CDC42BPB: variants seen among roughly 807,000 people sequenced by gnomAD.
CDC42BPB encodes CDC42 binding protein kinase beta, also known as serine/threonine-protein kinase MRCK beta.
A neutral mutation model predicts 214.9 loss-of-function variants in CDC42BPB; 37 were observed. That is an observed-to-expected ratio of 0.17 (90% CI 0.13 to 0.23). The LOEUF is 0.23. Among genes scored for constraint, CDC42BPB ranks in the 10% least tolerant of loss-of-function variants. CDC42BPB has a pLI of 1.00. For synonymous variants in CDC42BPB, 931 were observed against 884.0 expected, an observed-to-expected ratio of 1.05 and a Z score of -0.94; for missense variants, 1,694 against 2,227.0, an observed-to-expected ratio of 0.76 and a Z score of 4.82.
rs112933885 is a variant in CDC42BPB, at chr14:103,040,603, C to T, written c.175+16396G>A. 4.9e-3 allele frequency among the ~76,000 whole-genome samples: 750 copies of T among 151,938 alleles called. 11 individuals carry two copies. The highest frequency in any genetic ancestry group is 0.017 in the African/African-American group (699 of 41,480). On this transcript the variant is annotated intron_variant, in intron 1 of 36. Transcript: ENST00000361246. ...CCTCCCGAGTAGGTGGGATTACAGG[C>T]GGCTGCCAACACACCCAGCTAATTT...
chr14:102,963,132 T>C lies in CDC42BPB; in HGVS notation c.2750A>G (p.Lys917Arg). 1 of 1,598,932 alleles carries C rather than the reference T, an allele frequency of 6.3e-7. No homozygotes were observed. Among genetic ancestry groups the C allele is most frequent in the African/African-American group, 1.3e-5 (1 of 74,630 alleles). ...LESKLKDSEAKNRELLEEMEI... is the reference protein window; with the variant it reads ...LESKLKDSEARNRELLEEMEI... The stretch of plus-strand genomic sequence containing the variant: ...CATTTCTTCTAATAATTCTCTGTTT[T>C]TGGCTTCGGAATCCTTTAGTTTGCT... The change falls in exon 20 of 37, where the codon AAA (lysine) becomes AGA (arginine). Residue 917 changes from lysine (K) to arginine (R), a missense_variant. Transcript: ENST00000361246.
intron 1 of CDC42BPB, among the ~76,000 whole-genome samples, chr14:103,027,223 A>G (rs1225184254): frequency 6.6e-6 from 1 of 152,192 alleles, no homozygotes; most frequent in African/African-American, 2.4e-5. Flanking sequence ...ATGAACTCTT[A>G]CACACTGCTA....
At chr14:102,945,145 G>A (rs1371920557) in intron 29 of CDC42BPB, 15 of 429,268 alleles carry the variant, frequency 3.5e-5, no homozygotes, top group Admixed American at 1.3e-4. Flanking sequence ...CAGAGATGCT[G>A]GGTCTGTCGG....
At chr14:103,027,504 G>A (rs1167887651) in intron 1 of CDC42BPB, among the ~76,000 whole-genome samples, 1 of 152,194 alleles carries the variant, frequency 6.6e-6, no homozygotes, top group Non-Finnish European at 1.5e-5. Flanking sequence ...TAAACAGAAT[G>A]TGGTCTACCT....
rs140640502 is a variant in CDC42BPB, at chr14:102,933,747, G to A, written c.5101C>T (p.Leu1701Phe). The A allele has an allele frequency of 1.4e-5, 21 of 1,494,710 alleles. No individual in the cohort carries two copies. The highest frequency in any genetic ancestry group is 2.7e-5 in the East Asian group (1 of 37,056). The allele number at this position is 1,494,710 out of a possible 1,614,324, so 92.6% of individuals were successfully genotyped here. ...CAGGCCGGCTGCTCCAGGCCTTCGA[G>A]GGGGAGCTGGCTCCTGTGGGGGGAG... ...PNSPHRSQLP[L>F]EGLEQPACDT Residue 1701 changes from leucine to phenylalanine, a missense_variant, in exon 37 of 37, where the codon CTC (leucine) becomes TTC (phenylalanine). Leu to Phe is a conservative substitution (Grantham distance 22, BLOSUM62 0). This residue lies in a region of CDC42BPB where 146 missense variants were observed against 134.1 expected (regional missense o/e 1.09). Coordinates refer to ENST00000361246, the MANE Select transcript of CDC42BPB (RefSeq NM_006035.4).
chr14:102,984,035 A>C, intron 6 of CDC42BPB: 1 of 225,650 alleles, frequency 4.4e-6, no homozygotes, highest in Non-Finnish European at 7.4e-6. Flanking sequence ...CTAACGAAAC[A>C]AAACGGAATT....
Position 102,939,836 on chromosome 14 carries a change from T to C in CDC42BPB, c.4703A>G (p.Gln1568Arg). Reference protein sequence around the residue: ...FKVPEEERLQQRREMLRDPEL... With the variant: ...FKVPEEERLQRRREMLRDPEL... ...CGTGAGGCCCCGCTCCTACCGCCTC[T>C]GCTGCAGTCTCTCTTCCTCTGGGAC... The change falls in exon 33 of 37, where the codon CAG becomes CGG. Residue 1568 changes from glutamine (Q) to arginine (R), a missense_variant. Physicochemically the swap from Gln to Arg is conservative, Grantham distance 43. This residue lies in a region of CDC42BPB where 567 missense variants were observed against 790.3 expected (regional missense o/e 0.72). Transcript: ENST00000361246. 1.2e-6 allele frequency: 2 copies of C among 1,614,060 alleles called. No homozygotes were observed. Among genetic ancestry groups the C allele is most frequent in the Non-Finnish European group, 1.7e-6 (2 of 1,180,028 alleles).
intron 8 of CDC42BPB, among the ~76,000 whole-genome samples, chr14:102,980,338 C>A (rs967108331): frequency 6.6e-6 from 1 of 152,108 alleles, no homozygotes; most frequent in Non-Finnish European, 1.5e-5. Context: ...ACTATAAATA[C>A]AAAAATTAGC....
At chr14:102,984,426 G>A (rs1894142864) in intron 6 of CDC42BPB, among the ~76,000 whole-genome samples, 1 of 152,162 alleles carries the variant, frequency 6.6e-6, no homozygotes, top group Non-Finnish European at 1.5e-5. Flanking sequence ...TTCCTCATGG[G>A]AACATGCAGA....
intron 2 of CDC42BPB, among the ~76,000 whole-genome samples, chr14:103,010,394 C>A (rs887868183): frequency 6.6e-6 from 1 of 152,228 alleles, no homozygotes; most frequent in Non-Finnish European, 1.5e-5. Context: ...GAGCTCCGGG[C>A]ACGATGGGAC....
intron 1 of CDC42BPB, among the ~76,000 whole-genome samples, chr14:103,016,321 A>C (rs552078759): frequency 3.5e-4 from 54 of 152,372 alleles, no homozygotes; most frequent in Admixed American, 7.8e-4. Context: ...GGGAGCGGGC[A>C]GGAAGCTGCA....
intron 6 of CDC42BPB, 31 bp downstream of exon 6, chr14:102,986,456 C>CA (rs760974828): frequency 6.4e-7 from 1 of 1,566,826 alleles, no homozygotes; most frequent in Non-Finnish European, 8.8e-7. Flanking sequence ...AACCCAAAAC[C>CA]AAATGGAAAA....
intron 26 of CDC42BPB, 129 bp downstream of exon 26, chr14:102,949,636 C>A: frequency 1.6e-6 from 2 of 1,231,010 alleles, no homozygotes; most frequent in Non-Finnish European, 2.3e-6. Context: ...CCCATTTTTG[C>A]AACCATACAA....
intron 16 of CDC42BPB, chr14:102,967,396 G>C (rs1008665696): frequency 1.3e-5 from 13 of 979,258 alleles, no homozygotes; most frequent in Non-Finnish European, 2.4e-6. Flanking sequence ...AGTGACTTCA[G>C]GCAATTGGCA....
chr14:102,972,306 A>G (rs1893511620), intron 12 of CDC42BPB, 145 bp from the exon 13 acceptor site: 2 of 1,485,912 alleles, frequency 1.3e-6, no homozygotes, highest in East Asian at 4.7e-5. Context: ...GCTGCTTGGA[A>G]AAAGACCTGT....
At chr14:102,977,537 A>AT (rs1426042755) in intron 9 of CDC42BPB, among the ~76,000 whole-genome samples, 1 of 152,084 alleles carries the variant, frequency 6.6e-6, no homozygotes, top group Non-Finnish European at 1.5e-5. Context: ...GAGGTGGACC[A>AT]TCTCAGGCGA....
At chr14:103,011,610 T>C (rs750589079) in intron 2 of CDC42BPB, among the ~76,000 whole-genome samples, 2 of 151,522 alleles carry the variant, frequency 1.3e-5, no homozygotes, top group Non-Finnish European at 2.9e-5. Context: ...CTAGGCACAG[T>C]GTCAGCACCT....
chr14:102,980,044 T>C (rs542528178), intron 8 of CDC42BPB, among the ~76,000 whole-genome samples: 1 of 152,314 alleles, frequency 6.6e-6, no homozygotes, highest in Non-Finnish European at 1.5e-5. Flanking sequence ...TGCTCTCACA[T>C]GTAGGGAAAA....
In CDC42BPB at chr14:103,001,558, G is replaced by A. The variant is rs531989317; in HGVS notation, c.448-1845C>T. Among the ~76,000 whole-genome samples the A allele has an allele frequency of 3.9e-5, 6 of 152,328 alleles. No individual in the cohort carries two copies. The South Asian group carries it at 1.2e-3, about 32-fold the overall frequency. ...AAGGGGAGGGCCGGCCACAGTGGGG[G>A]CTGCAGCCCCACACTCAGAGCAGTG... On this transcript the variant is annotated intron_variant, in intron 4 of 36. Coordinates refer to ENST00000361246, the MANE Select transcript of CDC42BPB (RefSeq NM_006035.4). This position sits in a 1 kb window ranked among gnomAD's most constrained non-coding sequence, Gnocchi z 5.8.
Sources: allele counts gnomAD v4.1 joint callset (sites outside exome capture counted in the v4.1 genomes callset), GRCh38; gene constraint gnomAD v4.1.1; regional missense constraint gnomAD v4.1.1; non-coding constraint Gnocchi (gnomAD v3.1); transcripts MANE v1.5; gene names NCBI Gene and HGNC (gene_info 2026-07-23, HGNC 2026-07-21).